SGCZ: variants seen among roughly 807,000 people sequenced by gnomAD.
SGCZ encodes sarcoglycan zeta.
Under a neutral mutation model 41.3 loss-of-function variants are expected in SGCZ, and 40 were observed. That is an observed-to-expected ratio of 0.97 (90% CI 0.75 to 1.26). SGCZ has a LOEUF of 1.26. Ranked by LOEUF, SGCZ falls within the 50% of genes most tolerant of loss-of-function variation. SGCZ has a pLI of 0.00. For missense variants in SGCZ, 552 were observed against 369.8 expected, an observed-to-expected ratio of 1.49 and a Z score of -4.04; for synonymous variants, 206 against 137.5, an observed-to-expected ratio of 1.50 and a Z score of -3.49.
intron 2 of SGCZ, among the ~76,000 whole-genome samples, chr8:14,499,981 A>C (rs572674724): frequency 1.3e-5 from 2 of 152,134 alleles, no homozygotes; most frequent in Non-Finnish European, 2.9e-5. Context: ...TACAAAAAAA[A>C]ACTTTAAAAA....
intron 2 of SGCZ, among the ~76,000 whole-genome samples, chr8:14,457,482 A>T (rs1800780714): frequency 6.6e-6 from 1 of 152,184 alleles, no homozygotes; most frequent in African/African-American, 2.4e-5. Flanking sequence ...CTGCTCCTCC[A>T]ACTCTTGTGG....
chr8:14,201,321 A>G (rs749517159), intron 4 of SGCZ, among the ~76,000 whole-genome samples: 27 of 152,198 alleles, frequency 1.8e-4, no homozygotes, highest in Non-Finnish European at 4.4e-5. Flanking sequence ...GCCTGTATGC[A>G]TAAGCTTCTA....
intron 2 of SGCZ, among the ~76,000 whole-genome samples, chr8:14,510,581 C>A (rs1802439318): frequency 6.6e-6 from 1 of 152,064 alleles, no homozygotes; most frequent in African/African-American, 2.4e-5. Flanking sequence ...ACCTTTGCTT[C>A]CTATGGTTAC....
chr8:15,157,565 T>C lies in SGCZ; in HGVS notation c.39+80020A>G, dbSNP rs138678920. 6.1e-3 allele frequency among the ~76,000 whole-genome samples: 930 copies of C among 152,336 alleles called. 5 individuals are homozygous for C. Among genetic ancestry groups the C allele is most frequent in the Middle Eastern group, 0.031 (9 of 294 alleles). On this transcript the variant is annotated intron_variant, in intron 1 of 7. Coordinates refer to ENST00000382080, the MANE Select transcript of SGCZ (RefSeq NM_139167.4). ...TCATGCTTTATGCCTTCATCACTTG[T>C]AATACTCAGGACCAGGAGGCTACCA...
intron 1 of SGCZ, among the ~76,000 whole-genome samples, chr8:14,939,106 T>G (rs191313604): frequency 6.6e-6 from 1 of 152,274 alleles, no homozygotes; most frequent in African/African-American, 2.4e-5. Context: ...TTCCAGGTAC[T>G]TCAATCTGTT....
At chr8:15,054,661 A>C (rs768679822) in intron 1 of SGCZ, among the ~76,000 whole-genome samples, 29 of 151,888 alleles carry the variant, frequency 1.9e-4, no homozygotes, top group Non-Finnish European at 4.0e-4. Flanking sequence ...CTTCTTTAAG[A>C]CTCAATTTTG....
chr8:14,566,482 A>C (rs1279841955), intron 1 of SGCZ, among the ~76,000 whole-genome samples: 1 of 152,232 alleles, frequency 6.6e-6, no homozygotes, highest in African/African-American at 2.4e-5. Context: ...TAGAGACCAT[A>C]CAAGAGACAA....
At position 15,237,574 on chromosome 8, in the gene SGCZ, C is replaced by A. The variant is rs746522556; in HGVS notation, c.39+11G>T. 4 of 1,587,632 alleles carry A rather than the reference C, an allele frequency of 2.5e-6. No individual in the cohort carries two copies. Among genetic ancestry groups the A allele is most frequent in the Non-Finnish European group, 2.6e-6 (3 of 1,165,040 alleles). ...GAAGCGGCCGCGAAGCCCGCCCGGA[C>A]CCGCACGTACCTTGAGCTCCTCAAT... is the stretch of plus-strand genomic sequence containing the variant. On this transcript the variant is annotated intron_variant, in intron 1 of 7. Transcript: ENST00000382080.
chr8:14,146,890 A>AAAAAAAAAAAAAAAAAAAAAATAATAAT (rs1182329393), intron 5 of SGCZ, among the ~76,000 whole-genome samples: 2 of 116,182 alleles, frequency 1.7e-5, no homozygotes, highest in Admixed American at 8.6e-5. Flanking sequence ...AAAATAAAAA[A>AAAAAAAAAAAAAAAAAAAAAATAATAAT]AATAATAATA....
rs932584279 is a variant in SGCZ at position 14,085,173 on chromosome 8, T to C, written c.*5270A>G. ...TGATTTTACATAAAGCAAGATAGAG[T>C]ACAAAAGCACAGCTTTTGTAATTTT... On this transcript the variant is annotated 3_prime_UTR_variant, in exon 8 of 8. Transcript: ENST00000382080. Among the ~76,000 whole-genome samples the C allele has an allele frequency of 6.6e-6, 1 of 151,750 alleles. No individual in the cohort carries two copies. Among genetic ancestry groups the C allele is most frequent in the Non-Finnish European group, 1.5e-5 (1 of 67,794 alleles).
chr8:14,239,993 G>A (rs1034828405), intron 3 of SGCZ, among the ~76,000 whole-genome samples: 6 of 150,482 alleles, frequency 4.0e-5, no homozygotes, highest in African/African-American at 1.5e-4. Flanking sequence ...GAAGGCAATG[G>A]ATAGTTTACT....
chr8:15,131,188 G>C (rs1250168692), intron 1 of SGCZ, among the ~76,000 whole-genome samples: 1 of 152,176 alleles, frequency 6.6e-6, no homozygotes, highest in South Asian at 2.1e-4. Context: ...ATGTCATCTT[G>C]AATTGTAGCT....
chr8:14,407,627 G>T (rs186820399), intron 2 of SGCZ, among the ~76,000 whole-genome samples: 1 of 152,228 alleles, frequency 6.6e-6, no homozygotes, highest in African/African-American at 2.4e-5. Context: ...ATTCATAACT[G>T]TTGTATGCTA....
intron 4 of SGCZ, among the ~76,000 whole-genome samples, chr8:14,196,875 A>C (rs1329408318): frequency 2.6e-5 from 4 of 152,170 alleles, no homozygotes; most frequent in African/African-American, 9.7e-5. Context: ...ATATCAAATA[A>C]ATTCTAATTT....
chr8:14,876,124 G>C lies in SGCZ; in HGVS notation c.40-321198C>G, dbSNP rs74703970. On this transcript the variant is annotated intron_variant, in intron 1 of 7. Coordinates refer to ENST00000382080, the MANE Select transcript of SGCZ (RefSeq NM_139167.4). ...AAAGCTTGCATCAGTGTAGACAATA[G>C]AGAGATCGGACTGCCTAGGGATCTC... is the stretch of plus-strand genomic sequence containing the variant. 4.2e-3 allele frequency among the ~76,000 whole-genome samples: 646 copies of C among 152,246 alleles called. 5 individuals carry two copies. The highest frequency in any genetic ancestry group is 0.015 in the African/African-American group (615 of 41,560).
intron 1 of SGCZ, among the ~76,000 whole-genome samples, chr8:15,222,516 T>C (rs1486104754): frequency 1.3e-5 from 2 of 152,234 alleles, no homozygotes; most frequent in Non-Finnish European, 2.9e-5. Flanking sequence ...TACATATTAA[T>C]GCTTACAAAT....
chr8:14,536,414 A>G (rs1457244398), intron 2 of SGCZ, among the ~76,000 whole-genome samples: 1 of 151,920 alleles, frequency 6.6e-6, no homozygotes, highest in African/African-American at 2.4e-5. Context: ...ACCAAATGCT[A>G]TCTAAATTTG....
intron 2 of SGCZ, among the ~76,000 whole-genome samples, chr8:14,495,420 A>C (rs1308909729): frequency 6.6e-6 from 1 of 152,178 alleles, no homozygotes; most frequent in Admixed American, 6.5e-5. Context: ...CGGACCAAAC[A>C]CTAAGCCCCA....
chr8:14,577,772 G>A (rs1482983471), intron 1 of SGCZ, among the ~76,000 whole-genome samples: 1 of 152,130 alleles, frequency 6.6e-6, no homozygotes, highest in African/African-American at 2.4e-5. Context: ...CATTTTATCT[G>A]AATTTCGTGC....
Sources: gnomAD v4.1 joint callset for allele counts (sites outside exome capture counted in the v4.1 genomes callset) on GRCh38, gnomAD v4.1.1 for gene constraint, MANE v1.5 for transcripts, NCBI Gene and HGNC (gene_info 2026-07-23, HGNC 2026-07-21) for gene names.